Variants in EBF1 observed in about 807,000 individuals in gnomAD.
The protein encoded by EBF1 is transcription factor COE1.
EBF1 carries 10 observed loss-of-function variants against 68.4 expected under a neutral mutation model. The observed-to-expected ratio is 0.15, with a 90% CI of 0.09 to 0.25. The LOEUF (loss-of-function observed/expected upper bound fraction) is 0.25, where lower values mean the gene tolerates loss of function less well. Among genes scored for constraint, EBF1 ranks in the 10% least tolerant of loss-of-function variants. EBF1 has a pLI of 1.00. For missense variants in EBF1, 509 were observed against 794.4 expected (o/e 0.64, Z 4.32); for synonymous variants, 298 against 299.8 (o/e 0.99, Z 0.06).
intron 6 of EBF1, among the ~76,000 whole-genome samples, chr5:158,993,640 G>A (rs148652999): frequency 2.1e-3 from 313 of 152,224 alleles, no homozygotes; most frequent in African/African-American, 7.1e-3. Flanking sequence ...TCTGTAAAAT[G>A]GAACTAACAA....
At chr5:158,985,258 G>A (rs757559709) in intron 6 of EBF1, among the ~76,000 whole-genome samples, 4 of 152,164 alleles carry the variant, frequency 2.6e-5, no homozygotes, top group Non-Finnish European at 5.9e-5. Flanking sequence ...ATTTCCAGTG[G>A]TAGTTCTGCC....
chr5:158,887,743 T>C (rs1800333085), intron 6 of EBF1, among the ~76,000 whole-genome samples: 3 of 152,322 alleles, frequency 2.0e-5, no homozygotes, highest in Middle Eastern at 3.4e-3. Flanking sequence ...TTTAACCCAG[T>C]ATTCTAGAAG....
intron 10 of EBF1, among the ~76,000 whole-genome samples, chr5:158,750,650 CTT>C (rs1561821534): frequency 6.6e-6 from 1 of 151,922 alleles, no homozygotes. Flanking sequence ...CATGTGGACA[CTT>C]GGGCATATTT....
chr5:158,847,066 CAAG>C (rs1278503517), intron 6 of EBF1, among the ~76,000 whole-genome samples: 1 of 152,112 alleles, frequency 6.6e-6, no homozygotes, highest in Non-Finnish European at 1.5e-5. Flanking sequence ...CCACTGATTT[CAAG>C]AAGTTTACCT....
intron 6 of EBF1, among the ~76,000 whole-genome samples, chr5:158,904,847 C>G (rs915931438): frequency 4.9e-4 from 75 of 152,258 alleles, no homozygotes; most frequent in African/African-American, 1.8e-3. Flanking sequence ...CTCACCTCCT[C>G]GGTTCATTTA....
chr5:158,947,849 G>C (rs978140403), intron 6 of EBF1, among the ~76,000 whole-genome samples: 1 of 151,884 alleles, frequency 6.6e-6, no homozygotes, highest in African/African-American at 2.4e-5. Flanking sequence ...AGGAGAACAG[G>C]AGAAATGTGG....
At chr5:158,742,685 C>T (rs894396588) in intron 10 of EBF1, among the ~76,000 whole-genome samples, 4 of 152,166 alleles carry the variant, frequency 2.6e-5, no homozygotes, top group African/African-American at 4.8e-5. Context: ...GGGTGTGTTA[C>T]ACTTGTCCTT....
At chr5:158,877,868 C>A (rs529614892) in intron 6 of EBF1, among the ~76,000 whole-genome samples, 1 of 151,866 alleles carries the variant, frequency 6.6e-6, no homozygotes, top group Non-Finnish European at 1.5e-5. Context: ...AAGTCATTTC[C>A]GGTCGCCATA....
intron 8 of EBF1, among the ~76,000 whole-genome samples, chr5:158,807,689 A>C (rs1441945820): frequency 6.6e-6 from 1 of 152,106 alleles, no homozygotes; most frequent in Non-Finnish European, 1.5e-5. Flanking sequence ...CAATAAACAT[A>C]ATCATGGCCA....
At chr5:158,736,174 T>C (rs911986651) in intron 10 of EBF1, among the ~76,000 whole-genome samples, 4 of 152,186 alleles carry the variant, frequency 2.6e-5, no homozygotes, top group Non-Finnish European at 5.9e-5. Flanking sequence ...CAAATTAAAA[T>C]CATATAGTCA....
intron 11 of EBF1, among the ~76,000 whole-genome samples, chr5:158,730,689 C>A (rs60202961): frequency 1.3e-5 from 2 of 152,130 alleles, no homozygotes; most frequent in Admixed American, 1.3e-4. Context: ...TAAGATGTAG[C>A]GATTAAGTAG....
intron 6 of EBF1, among the ~76,000 whole-genome samples, chr5:158,865,245 G>A (rs987019850): frequency 1.3e-5 from 2 of 152,048 alleles, no homozygotes; most frequent in African/African-American, 4.8e-5. Flanking sequence ...CCTCAATTAT[G>A]CCAGAACTGA....
chr5:159,086,722 T>C (rs1393955808), intron 4 of EBF1, among the ~76,000 whole-genome samples: 1 of 152,138 alleles, frequency 6.6e-6, no homozygotes. Flanking sequence ...TCAGAGATCA[T>C]GAGCCAGGTT....
At chr5:158,858,826 T>C (rs1794507239) in intron 6 of EBF1, among the ~76,000 whole-genome samples, 1 of 152,110 alleles carries the variant, frequency 6.6e-6, no homozygotes. Flanking sequence ...ACAGATCTTT[T>C]GGTGTGGAAG....
intron 6 of EBF1, among the ~76,000 whole-genome samples, chr5:158,849,475 C>A (rs904739508): frequency 6.6e-6 from 1 of 152,134 alleles, no homozygotes; most frequent in African/African-American, 2.4e-5. Context: ...CTCATGAAAC[C>A]TTCCCAGATA....
Position 158,696,006 on chromosome 5 carries a change from T to G in EBF1, c.*3105A>C. On this transcript the variant is annotated 3_prime_UTR_variant, in exon 16 of 16. Transcript: ENST00000313708. ...ATTTTTGCAAAAAAAAAAAAAAAATTTAACAATCTCTACAGTAGTTAGGTT... is the reference window on the plus strand; with the variant it reads ...ATTTTTGCAAAAAAAAAAAAAAAATGTAACAATCTCTACAGTAGTTAGGTT... The G allele has an allele frequency of 5.1e-6, 1 of 195,164 alleles. No homozygotes were observed. Among genetic ancestry groups the G allele is most frequent in the Non-Finnish European group, 1.1e-5 (1 of 94,402 alleles). 12.1% of individuals were successfully genotyped at this position (195,164 alleles called of 1,614,324 possible). A position where few individuals can be genotyped will look rare whatever the true frequency, so the allele number is the denominator to read the frequency against.
intron 4 of EBF1, among the ~76,000 whole-genome samples, chr5:159,091,724 G>A (rs1781678550): frequency 6.6e-6 from 1 of 152,126 alleles, no homozygotes; most frequent in African/African-American, 2.4e-5. Context: ...TAAAGTACGG[G>A]GAAGATCAAA....
intron 6 of EBF1, among the ~76,000 whole-genome samples, chr5:159,007,453 G>A (rs1024872326): frequency 2.0e-5 from 3 of 152,138 alleles, no homozygotes; most frequent in African/African-American, 7.2e-5. Context: ...GTGCTACAAA[G>A]CTTATTGTGT....
intron 6 of EBF1, among the ~76,000 whole-genome samples, chr5:158,936,892 G>A (rs751191159): frequency 9.9e-5 from 15 of 152,144 alleles, no homozygotes; most frequent in Non-Finnish European, 1.5e-4. Context: ...AGCAAGCCCT[G>A]CAAAAGTACT....
Sources: allele counts gnomAD v4.1 joint callset (sites outside exome capture counted in the v4.1 genomes callset), GRCh38; gene constraint gnomAD v4.1.1; transcripts MANE v1.5; gene names NCBI Gene and HGNC (gene_info 2026-07-23, HGNC 2026-07-21).